The following SMAD3 variants were observed in gnomAD, a reference collection of about 807,000 sequenced individuals.
SMAD3 encodes the protein SMAD family member 3, also known as MAD homolog 3.
In SMAD3, 12 loss-of-function variants were observed where a neutral mutation model predicts 51.8. That is an observed-to-expected ratio of 0.23 (90% CI 0.15 to 0.38). SMAD3 has a LOEUF of 0.38. SMAD3 is among the 10% of genes least tolerant of loss of function. The probability of loss-of-function intolerance (pLI) is 1.00; values close to 1 mark genes in which losing one functional copy is unlikely to be tolerated. For synonymous variants in SMAD3, 238 were observed against 227.7 expected (o/e 1.05, Z -0.41); for missense variants, 294 against 565.6 (o/e 0.52, Z 4.87).
intron 7 of SMAD3, among the ~76,000 whole-genome samples, 153 bp downstream of exon 7, chr15:67,185,017 C>A (rs1355346285): frequency 6.6e-6 from 1 of 152,238 alleles, no homozygotes; most frequent in African/African-American, 2.4e-5. Context: ...TCTATGCCCA[C>A]AGATCTAACT....
chr15:67,111,242 C>A (rs1026822083), intron 1 of SMAD3, among the ~76,000 whole-genome samples: 1 of 152,178 alleles, frequency 6.6e-6, no homozygotes, highest in African/African-American at 2.4e-5. Context: ...TGAAATCATA[C>A]AATTTGTGGA....
chr15:67,082,106 G>A (rs1960291717), intron 1 of SMAD3, among the ~76,000 whole-genome samples: 1 of 139,126 alleles, frequency 7.2e-6, no homozygotes, highest in Admixed American at 7.4e-5. Context: ...ATGATGGTAA[G>A]TCTGCCCTCA....
intron 1 of SMAD3, among the ~76,000 whole-genome samples, chr15:67,087,767 T>C (rs1176214232): frequency 6.6e-6 from 1 of 152,214 alleles, no homozygotes; most frequent in Non-Finnish European, 1.5e-5. Flanking sequence ...AGGCATTATA[T>C]AGACGTGTGT....
rs376189680 is a variant in SMAD3 at position 67,114,153 on chromosome 15, GGTAA to G, written c.206+47795_206+47798del. On this transcript the variant is annotated intron_variant, in intron 1 of 8. Transcript: ENST00000327367. ...GAGATGGCCGTCACTTTGGAGTGAA[GGTAA>G]GCAGCATTGCTTCACTCATGTGGAA... Among the ~76,000 whole-genome samples the G allele has an allele frequency of 1.9e-3, 294 of 152,302 alleles. 1 individual carries two copies. The highest frequency in any genetic ancestry group is 6.9e-3 in the African/African-American group (286 of 41,552).
chr15:67,175,932 T>G (rs1962880591), intron 5 of SMAD3, among the ~76,000 whole-genome samples: 1 of 152,134 alleles, frequency 6.6e-6, no homozygotes, highest in Non-Finnish European at 1.5e-5. Context: ...TCCCCACACT[T>G]GTGAAATCAC....
At chr15:67,110,633 C>T (rs951984113) in intron 1 of SMAD3, among the ~76,000 whole-genome samples, 6 of 152,216 alleles carry the variant, frequency 3.9e-5, no homozygotes, top group Non-Finnish European at 7.4e-5. Context: ...TCTGTGACAT[C>T]CAGCCCTGTG....
chr15:67,097,234 G>A (rs1208098174), intron 1 of SMAD3, among the ~76,000 whole-genome samples: 1 of 151,804 alleles, frequency 6.6e-6, no homozygotes, highest in Admixed American at 6.6e-5. Context: ...GTTTTTGTAG[G>A]GGACAGGTTC....
intron 7 of SMAD3, chr15:67,187,131 G>A (rs547961073): frequency 7.4e-6 from 5 of 672,308 alleles, no homozygotes; most frequent in Non-Finnish European, 2.7e-6. Context: ...CCCCTTGCAG[G>A]TATGTCAGTG....
intron 1 of SMAD3, among the ~76,000 whole-genome samples, chr15:67,104,208 T>A (rs1960826469): frequency 6.6e-6 from 1 of 152,066 alleles, no homozygotes; most frequent in Admixed American, 6.6e-5. Context: ...TATTTCAACT[T>A]CTGTAATCCC....
At chr15:67,102,211 T>G (rs1960773741) in intron 1 of SMAD3, among the ~76,000 whole-genome samples, 1 of 150,884 alleles carries the variant, frequency 6.6e-6, no homozygotes, top group Non-Finnish European at 1.5e-5. Context: ...AGGCCCACCA[T>G]GTTATTCAGA....
chr15:67,072,137 G>C (rs1960068094), intron 1 of SMAD3, among the ~76,000 whole-genome samples: 1 of 152,186 alleles, frequency 6.6e-6, no homozygotes, highest in African/African-American at 2.4e-5. Context: ...AACTAAATGA[G>C]TTAAAAAATA....
chr15:67,123,593 G>T (rs1045014620), intron 1 of SMAD3, among the ~76,000 whole-genome samples: 1 of 152,232 alleles, frequency 6.6e-6, no homozygotes, highest in Non-Finnish European at 1.5e-5. Flanking sequence ...TTAATATTAT[G>T]AGCTTATCAT....
At chr15:67,118,236 G>T (rs766489191) in intron 1 of SMAD3, among the ~76,000 whole-genome samples, 1 of 152,212 alleles carries the variant, frequency 6.6e-6, no homozygotes, top group Non-Finnish European at 1.5e-5. Context: ...TCCCTGCAGT[G>T]GGGGAGCCCA....
At chr15:67,113,359 G>T (rs912166082) in intron 1 of SMAD3, among the ~76,000 whole-genome samples, 2 of 151,714 alleles carry the variant, frequency 1.3e-5, no homozygotes, top group African/African-American at 4.8e-5. Context: ...CAAAGTGCTG[G>T]GATTACAGGC....
At position 67,065,650 on chromosome 15, in the gene SMAD3, G is replaced by A. The variant is rs1172789501; in HGVS notation, c.-505G>A. Reference sequence around the variant, plus strand: ...GGAGCGGGAGCGCGGCGCACGCCCCGGGCCGGCCCAGCCAGCGAGCGAGCG... The same window carrying A: ...GGAGCGGGAGCGCGGCGCACGCCCCAGGCCGGCCCAGCCAGCGAGCGAGCG... On this transcript the variant is annotated 5_prime_UTR_variant, in exon 1 of 9. Transcript: ENST00000327367. 2.6e-5 allele frequency among the ~76,000 whole-genome samples: 4 copies of A among 151,566 alleles called. No homozygotes were observed. The highest frequency in any genetic ancestry group is 2.9e-5 in the Non-Finnish European group (2 of 67,820).
intron 1 of SMAD3, among the ~76,000 whole-genome samples, chr15:67,091,703 A>G (rs1380428279): frequency 6.6e-6 from 1 of 152,226 alleles, no homozygotes; most frequent in Non-Finnish European, 1.5e-5. Flanking sequence ...TTGGGGAAAG[A>G]AAACATAAGT....
intron 6 of SMAD3, among the ~76,000 whole-genome samples, chr15:67,183,000 A>AATATATATATATATATATATATAT (rs1555413788): frequency 2.3e-5 from 1 of 43,646 alleles, no homozygotes; most frequent in East Asian, 5.5e-4. Context: ...AAAAAAAAAA[A>AATATATATATATATATATATATAT]ATATATATAT....
chr15:67,080,785 A>G (rs930421046), intron 1 of SMAD3, among the ~76,000 whole-genome samples: 2 of 152,232 alleles, frequency 1.3e-5, no homozygotes, highest in Non-Finnish European at 2.9e-5. Flanking sequence ...GGCCCCGAAT[A>G]ACCCCTCCCT....
intron 6 of SMAD3, among the ~76,000 whole-genome samples, chr15:67,182,854 A>G (rs1567000347): frequency 6.6e-6 from 1 of 150,710 alleles, no homozygotes; most frequent in Non-Finnish European, 1.5e-5. Flanking sequence ...ATTGATTTAG[A>G]GATAGGGTCT....
Sources: allele counts gnomAD v4.1 joint callset (sites outside exome capture counted in the v4.1 genomes callset), GRCh38; gene constraint gnomAD v4.1.1; transcripts MANE v1.5; gene names NCBI Gene and HGNC (gene_info 2026-07-23, HGNC 2026-07-21).